ELAVL2: variants seen among roughly 807,000 people sequenced by gnomAD.
ELAVL2 encodes ELAV like RNA binding protein 2, also known as ELAV-like protein 2.
Under a neutral mutation model 34.6 loss-of-function variants are expected in ELAVL2, and 4 were observed. The ratio of observed to expected loss-of-function variants is 0.12; its 90% confidence interval spans 0.06 to 0.26. The LOEUF is 0.26. Ranked by LOEUF, ELAVL2 falls within the 10% of genes least tolerant of loss-of-function variation. The probability of loss-of-function intolerance (pLI) is 1.00; values close to 1 mark genes in which losing one functional copy is unlikely to be tolerated. For synonymous variants in ELAVL2, 193 were observed against 154.8 expected (o/e 1.25, Z -1.83); for missense variants, 432 against 442.8 (o/e 0.98, Z 0.22).
At chr9:23,753,286 A>C (rs891062063) in intron 2 of ELAVL2, among the ~76,000 whole-genome samples, 1 of 152,216 alleles carries the variant, frequency 6.6e-6, no homozygotes, top group African/African-American at 2.4e-5. Context: ...ACTTAGAACA[A>C]GCTCAAAAGA....
At chr9:23,755,048 C>T (rs572104045) in intron 2 of ELAVL2, among the ~76,000 whole-genome samples, 12 of 152,096 alleles carry the variant, frequency 7.9e-5, no homozygotes, top group Non-Finnish European at 1.0e-4. Context: ...TTTCCTATTC[C>T]GCAAAGTCCA....
chr9:23,792,391 A>G (rs970116017), intron 1 of ELAVL2, among the ~76,000 whole-genome samples: 9 of 152,208 alleles, frequency 5.9e-5, no homozygotes, highest in African/African-American at 2.2e-4. Flanking sequence ...TTGAATCAAC[A>G]CTGTCATCTA....
chr9:23,817,774 T>G (rs1160460849), intron 1 of ELAVL2, among the ~76,000 whole-genome samples: 1 of 152,202 alleles, frequency 6.6e-6, no homozygotes, highest in Non-Finnish European at 1.5e-5. Flanking sequence ...AATTTACTAG[T>G]GAAAAATGTC....
chr9:23,806,562 C>T (rs954063202), intron 1 of ELAVL2, among the ~76,000 whole-genome samples: 1 of 151,892 alleles, frequency 6.6e-6, no homozygotes, highest in African/African-American at 2.4e-5. Flanking sequence ...CCTAAAAGCC[C>T]AGGAATTCAA....
Position 23,786,800 on chromosome 9 carries a change from A to G in ELAVL2, c.-15-24551T>C, listed in dbSNP as rs1483615238. Among the ~76,000 whole-genome samples the G allele has an allele frequency of 2.0e-3, 295 of 146,634 alleles. 2 individuals are homozygous for G. The highest frequency in any genetic ancestry group is 8.2e-3 in the East Asian group (40 of 4,888). On this transcript the variant is annotated intron_variant, in intron 1 of 6. Transcript: ENST00000397312. ...TAGTGGCAAAAAAAAAAAAAAAAAA[A>G]AAAGAGAGAGAGAGAAAGGAAAGCC... is the stretch of plus-strand genomic sequence containing the variant.
intron 5 of ELAVL2, among the ~76,000 whole-genome samples, chr9:23,700,548 G>C (rs1330792643): frequency 1.3e-5 from 2 of 152,178 alleles, no homozygotes; most frequent in South Asian, 2.1e-4. Flanking sequence ...AATTACAACC[G>C]ACAGGCCAAA....
chr9:23,808,771 GA>G (rs745825748), intron 1 of ELAVL2, among the ~76,000 whole-genome samples: 3 of 152,116 alleles, frequency 2.0e-5, no homozygotes, highest in Non-Finnish European at 2.9e-5. Flanking sequence ...ATGAGAGAGA[GA>G]AAGAAATGTT....
At chr9:23,762,321 TA>T in intron 1 of ELAVL2, 72 bp from the exon 2 acceptor site, 1 of 1,546,516 alleles carries the variant, frequency 6.5e-7, no homozygotes, top group Non-Finnish European at 8.7e-7. Context: ...TCCAAGAATT[TA>T]AACACTTGTC....
Position 23,741,776 on chromosome 9 carries a change from CTT to C in ELAVL2, c.230-10653_230-10652del, listed in dbSNP as rs961514188. 7.2e-4 allele frequency among the ~76,000 whole-genome samples: 95 copies of C among 132,410 alleles called. 1 individual carries two copies. The highest frequency in any genetic ancestry group is 2.7e-3 in the African/African-American group (91 of 33,138). 86.9% of individuals were successfully genotyped at this position (132,410 alleles called of 152,430 possible). Reference sequence around the variant, plus strand: ...CACCACTTCTGCACGTCTCCCATACCTTTCTCCCTTTGAAAGCCCTACGGTAA... The same window carrying C: ...CACCACTTCTGCACGTCTCCCATACCTCTCCCTTTGAAAGCCCTACGGTAA... On this transcript the variant is annotated intron_variant, in intron 2 of 6. Coordinates refer to ENST00000397312, the MANE Select transcript of ELAVL2 (RefSeq NM_004432.5).
intron 1 of ELAVL2, chr9:23,765,157 C>A: frequency 6.8e-7 from 1 of 1,480,338 alleles, no homozygotes; most frequent in Admixed American, 2.3e-5. Flanking sequence ...TGCAACAAAT[C>A]AGTTTGTACA....
At chr9:23,791,882 C>T (rs1408918805) in intron 1 of ELAVL2, among the ~76,000 whole-genome samples, 1 of 152,200 alleles carries the variant, frequency 6.6e-6, no homozygotes, top group Non-Finnish European at 1.5e-5. Flanking sequence ...GCAGCCTAAG[C>T]AAACTAATAC....
intron 1 of ELAVL2, among the ~76,000 whole-genome samples, chr9:23,786,285 T>C (rs1238889585): frequency 6.6e-6 from 1 of 152,180 alleles, no homozygotes; most frequent in Non-Finnish European, 1.5e-5. Flanking sequence ...ATCAAAATGA[T>C]GTAAGCAACA....
At chr9:23,771,582 C>A (rs2057317589) in intron 1 of ELAVL2, among the ~76,000 whole-genome samples, 1 of 152,046 alleles carries the variant, frequency 6.6e-6, no homozygotes, top group Non-Finnish European at 1.5e-5. Context: ...AAAGAATCAA[C>A]TGATTCATTT....
intron 3 of ELAVL2, among the ~76,000 whole-genome samples, chr9:23,712,233 C>A (rs1291352242): frequency 6.6e-6 from 1 of 152,076 alleles, no homozygotes; most frequent in Admixed American, 6.6e-5. Flanking sequence ...GGGTGTAGGA[C>A]TCGCGGTCTT....
At chr9:23,725,409 T>C (rs967278715) in intron 3 of ELAVL2, among the ~76,000 whole-genome samples, 4 of 152,152 alleles carry the variant, frequency 2.6e-5, no homozygotes, top group African/African-American at 9.7e-5. Flanking sequence ...CCCAGCATTA[T>C]GGCTATTAGA....
intron 2 of ELAVL2, among the ~76,000 whole-genome samples, chr9:23,742,061 A>T (rs1372031136): frequency 6.6e-6 from 1 of 152,152 alleles, no homozygotes; most frequent in Non-Finnish European, 1.5e-5. Flanking sequence ...AAGTAACTAG[A>T]AGGGCAAGAA....
chr9:23,777,610 T>A (rs915856113), intron 1 of ELAVL2, among the ~76,000 whole-genome samples: 2 of 152,020 alleles, frequency 1.3e-5, no homozygotes, highest in Non-Finnish European at 1.5e-5. Flanking sequence ...ATTCTCCATT[T>A]CTAAAGAGCA....
chr9:23,766,613 A>C, intron 1 of ELAVL2, among the ~76,000 whole-genome samples: 1 of 152,122 alleles, frequency 6.6e-6, no homozygotes, highest in East Asian at 1.9e-4. Context: ...TATTGCACCA[A>C]CTAGATAGGA....
intron 2 of ELAVL2, among the ~76,000 whole-genome samples, chr9:23,745,120 CT>C (rs2050187868): frequency 6.6e-6 from 1 of 152,196 alleles, no homozygotes; most frequent in Non-Finnish European, 1.5e-5. Context: ...GGGAAGATCA[CT>C]TGAGCTTGGG....
Sources: gnomAD v4.1 joint callset for allele counts (sites outside exome capture counted in the v4.1 genomes callset) on GRCh38, gnomAD v4.1.1 for gene constraint, MANE v1.5 for transcripts, NCBI Gene and HGNC (gene_info 2026-07-23, HGNC 2026-07-21) for gene names.